The following THADA variants were observed in gnomAD, a reference collection of about 807,000 sequenced individuals.
THADA encodes tRNA (32-2'-O)-methyltransferase regulator THADA.
THADA carries 213 observed loss-of-function variants against 219.8 expected under a neutral mutation model. The observed-to-expected ratio is 0.97, with a 90% CI of 0.87 to 1.09. The LOEUF (loss-of-function observed/expected upper bound fraction) is 1.09. Among genes scored for constraint, THADA ranks in the 50% least tolerant of loss-of-function variants. THADA has a pLI of 0.00. For synonymous variants in THADA, 1,018 were observed against 828.9 expected, an observed-to-expected ratio of 1.23 and a Z score of -3.92; for missense variants, 2,956 against 2,311.3, an observed-to-expected ratio of 1.28 and a Z score of -5.72.
At chr2:43,426,399 G>C (rs754925734) in intron 28 of THADA, among the ~76,000 whole-genome samples, 4 of 152,206 alleles carry the variant, frequency 2.6e-5, no homozygotes, top group Non-Finnish European at 4.4e-5. Flanking sequence ...AATGTAAACT[G>C]CAATTCTGTG....
At chr2:43,469,054 C>T (rs900395932) in intron 26 of THADA, among the ~76,000 whole-genome samples, 5 of 152,222 alleles carry the variant, frequency 3.3e-5, no homozygotes, top group Admixed American at 6.5e-5. Flanking sequence ...GTATGAGCCC[C>T]GGACCCTGTC....
At chr2:43,435,154 A>G (rs1188275768) in intron 26 of THADA, among the ~76,000 whole-genome samples, 1 of 152,198 alleles carries the variant, frequency 6.6e-6, no homozygotes, top group East Asian at 1.9e-4. Context: ...GCTTTAAAAC[A>G]GCATAAACAA....
intron 30 of THADA, among the ~76,000 whole-genome samples, chr2:43,338,388 C>T (rs1666715451): frequency 6.6e-6 from 1 of 152,050 alleles, no homozygotes; most frequent in African/African-American, 2.4e-5. Flanking sequence ...AACTCCTGAC[C>T]TCAAGTGATC....
chr2:43,261,618 T>C (rs1670952747), intron 36 of THADA, among the ~76,000 whole-genome samples: 1 of 150,604 alleles, frequency 6.6e-6, no homozygotes, highest in Non-Finnish European at 1.5e-5. Flanking sequence ...ATGCCACTAA[T>C]GCCTGGCTAT....
intron 31 of THADA, among the ~76,000 whole-genome samples, chr2:43,297,447 T>TC (rs1553376666): frequency 1.6e-5 from 1 of 60,886 alleles, no homozygotes; most frequent in Non-Finnish European, 2.9e-5. Flanking sequence ...GGGAGGGAGG[T>TC]GGGGGGGGGT....
chr2:43,353,354 G>T (rs1159563364), intron 29 of THADA, among the ~76,000 whole-genome samples: 1 of 152,050 alleles, frequency 6.6e-6, no homozygotes, highest in Non-Finnish European at 1.5e-5. Flanking sequence ...CTTGTTTTTT[G>T]ATAACAGCTA....
chr2:43,569,957 A>T (rs1699111694), intron 14 of THADA, among the ~76,000 whole-genome samples: 1 of 152,210 alleles, frequency 6.6e-6, no homozygotes, highest in African/African-American at 2.4e-5. Flanking sequence ...TGACACAGAC[A>T]GCAAGCTCCC....
At chr2:43,445,754 G>A (rs1681448314) in intron 26 of THADA, among the ~76,000 whole-genome samples, 1 of 152,182 alleles carries the variant, frequency 6.6e-6, no homozygotes, top group African/African-American at 2.4e-5. Context: ...GCTCACTGCA[G>A]CCTCAAACTC....
At chr2:43,593,254 C>T (rs903609482) in intron 1 of THADA, among the ~76,000 whole-genome samples, 7 of 152,074 alleles carry the variant, frequency 4.6e-5, no homozygotes, top group African/African-American at 1.7e-4. Flanking sequence ...GAAATAAATA[C>T]AAAGGGCTGC....
At chr2:43,566,476 T>C (rs1459990103) in intron 15 of THADA, 1 of 720,442 alleles carries the variant, frequency 1.4e-6, no homozygotes, top group Non-Finnish European at 2.6e-6. Flanking sequence ...ATGAAAATTA[T>C]ACTTTGGGGT....
intron 1 of THADA, among the ~76,000 whole-genome samples, chr2:43,594,441 G>A (rs747350700): frequency 3.9e-5 from 6 of 151,992 alleles, no homozygotes; most frequent in African/African-American, 7.3e-5. Context: ...AAAATTAGCC[G>A]GGTGTGGTGG....
intron 36 of THADA, among the ~76,000 whole-genome samples, chr2:43,241,071 A>G (rs1480619646): frequency 6.6e-6 from 1 of 152,108 alleles, no homozygotes; most frequent in Non-Finnish European, 1.5e-5. Context: ...CACCGGGCCC[A>G]GGTGGACCCC....
intron 29 of THADA, among the ~76,000 whole-genome samples, chr2:43,380,281 C>T (rs979913170): frequency 6.6e-6 from 1 of 152,062 alleles, no homozygotes; most frequent in Non-Finnish European, 1.5e-5. Context: ...GACTAGAAAC[C>T]GTAAGACTAA....
At chr2:43,543,787 G>C (rs927347857) in intron 20 of THADA, among the ~76,000 whole-genome samples, 17 of 152,182 alleles carry the variant, frequency 1.1e-4, no homozygotes, top group Admixed American at 6.5e-4. Context: ...TGTCAGATGA[G>C]TAGGTTGCGA....
At chr2:43,289,388 G>C (rs1674423325) in intron 34 of THADA, among the ~76,000 whole-genome samples, 1 of 152,194 alleles carries the variant, frequency 6.6e-6, no homozygotes, top group South Asian at 2.1e-4. Context: ...CAACTAACAT[G>C]ATGAGTATTT....
At chr2:43,276,149 A>T (rs978598889) in intron 36 of THADA, among the ~76,000 whole-genome samples, 1 of 152,204 alleles carries the variant, frequency 6.6e-6, no homozygotes, top group African/African-American at 2.4e-5. Context: ...ACAAATTTCA[A>T]TACCTTACTC....
chr2:43,489,036 T>C (rs1687270539), intron 25 of THADA, among the ~76,000 whole-genome samples: 1 of 152,190 alleles, frequency 6.6e-6, no homozygotes. Flanking sequence ...AAGAGTTCTT[T>C]ATATATTCTG....
chr2:43,455,376 T>TAA (rs11385751), intron 26 of THADA, among the ~76,000 whole-genome samples: 3 of 152,070 alleles, frequency 2.0e-5, no homozygotes, highest in African/African-American at 7.2e-5. Flanking sequence ...TTCCCGTTTT[T>TAA]AAAAAATCTC....
chr2:43,584,037 TAAAAAAAAA>T, intron 7 of THADA, among the ~76,000 whole-genome samples: 1 of 65,608 alleles, frequency 1.5e-5, no homozygotes, highest in East Asian at 4.0e-4. Context: ...TTGTCTCAAT[TAAAAAAAAA>T]AAAAAAAAAA....
Sources: gnomAD v4.1 joint callset for allele counts (sites outside exome capture counted in the v4.1 genomes callset) on GRCh38, gnomAD v4.1.1 for gene constraint, MANE v1.5 for transcripts, NCBI Gene and HGNC (gene_info 2026-07-23, HGNC 2026-07-21) for gene names.